SYNE1: variants seen among roughly 807,000 people sequenced by gnomAD.
SYNE1 encodes spectrin repeat containing nuclear envelope protein 1, also known as nesprin-1.
SYNE1 carries 616 observed loss-of-function variants against 1,111.0 expected under a neutral mutation model. That is an observed-to-expected ratio of 0.55 (90% CI 0.52 to 0.59). The LOEUF is 0.59. Among genes scored for constraint, SYNE1 ranks in the 20% least tolerant of loss-of-function variants. The pLI, the probability that SYNE1 is intolerant of heterozygous loss-of-function variation, is 0.00. For synonymous variants in SYNE1, 3,855 were observed against 3,825.8 expected, an observed-to-expected ratio of 1.01 and a Z score of -0.28; for missense variants, 10,006 against 10,417.0, an observed-to-expected ratio of 0.96 and a Z score of 1.72.
chr6:152,369,718 C>T (rs759136058), intron 59 of SYNE1, 104 bp from the exon 60 acceptor site: 14 of 1,395,682 alleles, frequency 1.0e-5, no homozygotes, highest in South Asian at 2.4e-5. Flanking sequence ...CACAGTGGCT[C>T]ACGCCTGTAA....
intron 14 of SYNE1, among the ~76,000 whole-genome samples, chr6:152,475,320 A>G (rs1038705236): frequency 6.6e-6 from 1 of 152,230 alleles, no homozygotes. Context: ...AATGTATTTA[A>G]TACGCCTAAA....
At chr6:152,156,142 C>T (rs757103914) in intron 131 of SYNE1, 45 bp from the exon 132 acceptor site, 153 of 1,608,468 alleles carry the variant, frequency 9.5e-5, no homozygotes, top group Non-Finnish European at 1.3e-4. Flanking sequence ...TACATGTATA[C>T]AGATGAGAGA....
At chr6:152,269,416 T>TA (rs1471998351) in intron 98 of SYNE1, 130 bp from the exon 99 acceptor site, 15 of 1,337,672 alleles carry the variant, frequency 1.1e-5, no homozygotes, top group Non-Finnish European at 1.5e-5. Context: ...TGAAACCACA[T>TA]TTTTTAAAAA....
At chr6:152,434,169 TTGAG>T (rs1554692751) in intron 33 of SYNE1, 4 of 551,818 alleles carry the variant, frequency 7.2e-6, no homozygotes, top group Non-Finnish European at 1.3e-5. Flanking sequence ...TATCTACACT[TTGAG>T]TGAAACTGCA....
intron 12 of SYNE1, among the ~76,000 whole-genome samples, chr6:152,485,557 G>A (rs1564381460): frequency 2.0e-5 from 3 of 152,102 alleles, no homozygotes; most frequent in Non-Finnish European, 2.9e-5. Context: ...AAAATATTAA[G>A]TATATCACAG....
At chr6:152,244,920 T>A (rs1230915435) in intron 105 of SYNE1, among the ~76,000 whole-genome samples, 1 of 152,112 alleles carries the variant, frequency 6.6e-6, no homozygotes, top group African/African-American at 2.4e-5. Context: ...GGGAGAAGGA[T>A]GTCTTGCTTA....
At position 152,269,233 on chromosome 6, in the gene SYNE1, G is replaced by A. The variant is rs923809508; in HGVS notation, c.18627C>T (p.Ser6209=). ...ESDVDLTATQ[S]PGVQEWLAQA... ...GGGCCAGCCATTCCTGGACGCCGGG[G>A]CTCTGCGTGGCTGTTAGGTCAACAT... The change falls in exon 99 of 146, where the codon AGC becomes AGT. Residue 6209 remains serine (S), a synonymous_variant. Coordinates refer to ENST00000367255, the MANE Select transcript of SYNE1 (RefSeq NM_182961.4). The A allele has an allele frequency of 2.5e-6, 4 of 1,614,064 alleles. No homozygotes were observed. Among genetic ancestry groups the A allele is most frequent in the African/African-American group, 2.7e-5 (2 of 74,914 alleles).
chr6:152,579,184 G>A (rs1310491910), intron 3 of SYNE1, among the ~76,000 whole-genome samples: 1 of 152,140 alleles, frequency 6.6e-6, no homozygotes, highest in African/African-American at 2.4e-5. Flanking sequence ...CCCATTTAGA[G>A]GTAGAAATTT....
At chr6:152,392,053 C>T (rs894419273) in intron 51 of SYNE1, among the ~76,000 whole-genome samples, 68 of 152,166 alleles carry the variant, frequency 4.5e-4, no homozygotes, top group African/African-American at 1.6e-3. Flanking sequence ...CAAAGCTCGG[C>T]GCAGGCATCA....
At chr6:152,327,653 C>T (rs2096113801) in intron 78 of SYNE1, among the ~76,000 whole-genome samples, 1 of 152,012 alleles carries the variant, frequency 6.6e-6, no homozygotes, top group South Asian at 2.1e-4. Flanking sequence ...TAAGAAATGC[C>T]CCAGGAACCA....
At chr6:152,314,769 G>A (rs1335492057) in intron 87 of SYNE1, among the ~76,000 whole-genome samples, 4 of 151,662 alleles carry the variant, frequency 2.6e-5, no homozygotes, top group Non-Finnish European at 1.5e-5. Flanking sequence ...TGGCCAGCAT[G>A]GCGAAACCCC....
rs1464263238 is a variant in SYNE1, at chr6:152,329,862, CA to C, written c.14822del (p.Met4941ArgfsTer4). The C allele has an allele frequency of 6.2e-7, 1 of 1,614,200 alleles. No homozygotes were observed. The highest frequency in any genetic ancestry group is 1.7e-5 in the Admixed American group (1 of 60,014). On this transcript the variant is annotated frameshift_variant, in exon 78 of 146. Transcript: ENST00000367255. LOFTEE classifies it high-confidence loss of function. ...CCTTTTCCTTGTGACTCAGCGCATT[CA>C]TGATTCTCAAGCTGGACTGGACCTC... ...QEEVQSSLRI[M>X]NALSHKEKEK...
intron 5 of SYNE1, among the ~76,000 whole-genome samples, chr6:152,524,725 G>A (rs1339051912): frequency 3.9e-5 from 6 of 152,152 alleles, no homozygotes; most frequent in Non-Finnish European, 8.8e-5. Flanking sequence ...GATGGGGAAG[G>A]AGGAAAAGCT....
At chr6:152,356,648 A>C (rs2096844634) in intron 66 of SYNE1, among the ~76,000 whole-genome samples, 1 of 151,924 alleles carries the variant, frequency 6.6e-6, no homozygotes, top group African/African-American at 2.4e-5. Flanking sequence ...CAATCCCTAC[A>C]CCATGTACAT....
chr6:152,192,791 A>C lies in SYNE1; in HGVS notation c.23146-3384T>G, dbSNP rs939623560. 4.1e-4 allele frequency among the ~76,000 whole-genome samples: 62 copies of C among 152,050 alleles called. 1 individual carries two copies. The highest frequency in any genetic ancestry group is 1.5e-4 in the Non-Finnish European group (10 of 68,022). On this transcript the variant is annotated intron_variant, in intron 127 of 145. Transcript: ENST00000367255. ...TAACTTCTGTTATATCCTCTGGCTG[A>C]ATTAACCCCTTTTTCATCATATAAT...
chr6:152,239,233 A>G (rs1372177758), intron 108 of SYNE1, among the ~76,000 whole-genome samples: 1 of 152,016 alleles, frequency 6.6e-6, no homozygotes, highest in Admixed American at 6.6e-5. Flanking sequence ...TACATTTTTC[A>G]TACTCTTAAG....
intron 3 of SYNE1, among the ~76,000 whole-genome samples, chr6:152,605,002 AAGAAAGAGAGAGAGAGAGAG>A (rs2099608897): frequency 8.0e-5 from 2 of 24,920 alleles, no homozygotes; most frequent in African/African-American, 3.8e-4. Context: ...GAAAGAAAGA[AAGAAAGAGAGAGAGAGAGAG>A]AGAGAGAGAG....
At position 152,231,511 on chromosome 6, in the gene SYNE1, G is replaced by A. The variant is rs1011801063; in HGVS notation, c.20919C>T (p.Ser6973=). The A allele has an allele frequency of 1.5e-5, 24 of 1,613,826 alleles. No individual in the cohort carries two copies. The highest frequency in any genetic ancestry group is 9.4e-5 in the African/African-American group (7 of 74,818). ...KQLTVDFVNQ[S]VLQISSQDVE... ...CATCCTGACTGCTGATTTGTAGCAC[G>A]GACTGGTTCACAAAATCCACTGTCA... Residue 6973 remains serine, a synonymous_variant, in exon 114 of 146, where the codon TCC becomes TCT. Transcript: ENST00000367255.
intron 4 of SYNE1, among the ~76,000 whole-genome samples, chr6:152,527,018 G>A (rs2099166756): frequency 6.6e-6 from 1 of 152,082 alleles, no homozygotes; most frequent in Admixed American, 6.6e-5. Flanking sequence ...GTCAATAGAG[G>A]GGAGGTGTTC....
Sources: gnomAD v4.1 joint callset for allele counts (sites outside exome capture counted in the v4.1 genomes callset) on GRCh38, gnomAD v4.1.1 for gene constraint, MANE v1.5 for transcripts, NCBI Gene and HGNC (gene_info 2026-07-23, HGNC 2026-07-21) for gene names.